FAM20C: variants seen among roughly 807,000 people sequenced by gnomAD.
The protein encoded by FAM20C is extracellular serine/threonine protein kinase FAM20C.
In FAM20C, 40 loss-of-function variants were observed where a neutral mutation model predicts 51.5. The ratio of observed to expected loss-of-function variants is 0.78; its 90% confidence interval spans 0.60 to 1.01. FAM20C has a LOEUF of 1.01. FAM20C is among the 50% of genes least tolerant of loss of function. FAM20C has a pLI of 0.00. For synonymous variants in FAM20C, 406 were observed against 380.6 expected, an observed-to-expected ratio of 1.07 and a Z score of -0.78; for missense variants, 861 against 844.7, an observed-to-expected ratio of 1.02 and a Z score of -0.24.
In FAM20C at chr7:258,687, C is replaced by T. The variant is rs1187634108; in HGVS notation, c.1487C>T (p.Pro496Leu). Reference sequence around the variant, plus strand: ...CACGACGAGCTCTCCATCCTGGTGCCGCTACAGCAGTGCTGCAGGTACAGC... The same window carrying T: ...CACGACGAGCTCTCCATCCTGGTGCTGCTACAGCAGTGCTGCAGGTACAGC... ...YSHDELSILV[P>L]LQQCCRIRKS... Residue 496 changes from proline to leucine, a missense_variant, in exon 9 of 10, where the codon CCG becomes CTG. By Grantham distance (98) the Pro-to-Leu change is moderately conservative (BLOSUM62 -3). Transcript: ENST00000313766. The T allele has an allele frequency of 3.9e-6, 6 of 1,536,520 alleles. No homozygotes were observed. Among genetic ancestry groups the T allele is most frequent in the Non-Finnish European group, 4.4e-6 (5 of 1,146,444 alleles).
At chr7:252,215 G>GTGGCCTGAATGACCCTCCCGTGGGGTC (rs1788427338) in intron 5 of FAM20C, among the ~76,000 whole-genome samples, 1 of 139,484 alleles carries the variant, frequency 7.2e-6, no homozygotes, top group African/African-American at 2.7e-5. Flanking sequence ...TCGGCCTCCC[G>GTGGCCTGAATGACCCTCCCGTGGGGTC]ACCAAGGATG....
At chr7:229,011 C>G (rs1787556526) in intron 3 of FAM20C, 1 of 361,108 alleles carries the variant, frequency 2.8e-6, no homozygotes, top group Non-Finnish European at 5.5e-6. Flanking sequence ...GGGCCACACC[C>G]TGCCCCACCC....
chr7:257,894 A>ACCCACTGCCCGGGG (rs1788668854), intron 8 of FAM20C, among the ~76,000 whole-genome samples: 2 of 30,404 alleles, frequency 6.6e-5, no homozygotes, highest in Admixed American at 2.9e-4. Flanking sequence ...ACTGCCCAGG[A>ACCCACTGCCCGGGG]TGCTGGAGAT....
intron 3 of FAM20C, among the ~76,000 whole-genome samples, chr7:222,645 G>A (rs1315692769): frequency 6.6e-6 from 1 of 152,124 alleles, no homozygotes; most frequent in African/African-American, 2.4e-5. Context: ...GAAGTGAGGG[G>A]CCCTGAGGTG....
At chr7:206,588 C>A (rs112319177) in intron 2 of FAM20C, among the ~76,000 whole-genome samples, 19 of 117,694 alleles carry the variant, frequency 1.6e-4, no homozygotes, top group African/African-American at 3.4e-4. Flanking sequence ...GCCCCGCACA[C>A]GTGCTCACTG....
Position 259,983 on chromosome 7 carries a change from T to C in FAM20C, c.*3T>C, listed in dbSNP as rs756835293. The stretch of plus-strand genomic sequence containing the variant: ...ACAGAGCCGCCTCGGCGAGGTAGTG[T>C]CCGCCGGCCGCTGCGCTGCCCGGGA... On this transcript the variant is annotated 3_prime_UTR_variant, in exon 10 of 10. Transcript: ENST00000313766. The C allele has an allele frequency of 2.1e-4, 310 of 1,506,904 alleles. No individual in the cohort carries two copies. In the Middle Eastern group the frequency reaches 5.1e-3, roughly 25 times the overall value. 93.3% of individuals were successfully genotyped at this position (1,506,904 alleles called of 1,614,324 possible). A position where few individuals can be genotyped will look rare whatever the true frequency, so the allele number is the denominator to read the frequency against.
At chr7:245,606 ACGCTTACG>A (rs1215518965) in intron 3 of FAM20C, among the ~76,000 whole-genome samples, 3 of 152,266 alleles carry the variant, frequency 2.0e-5, no homozygotes, top group Non-Finnish European at 2.9e-5. Context: ...ACACGCTTAC[ACGCTTACG>A]CGCTTACACA....
intron 5 of FAM20C, among the ~76,000 whole-genome samples, chr7:253,807 T>C (rs955597232): frequency 6.6e-6 from 1 of 152,232 alleles, no homozygotes; most frequent in African/African-American, 2.4e-5. Flanking sequence ...TGCCTTTCTC[T>C]TTTAACACGA....
chr7:247,235 G>T (rs1395560064), intron 4 of FAM20C, among the ~76,000 whole-genome samples: 2 of 152,190 alleles, frequency 1.3e-5, no homozygotes, highest in Non-Finnish European at 2.9e-5. Context: ...GGTCAGCTTG[G>T]CCCTGCTGCT....
chr7:247,455 G>A (rs1272303707), intron 4 of FAM20C, among the ~76,000 whole-genome samples: 1 of 152,206 alleles, frequency 6.6e-6, no homozygotes, highest in African/African-American at 2.4e-5. Context: ...CAGCATTGGG[G>A]TTGCCCTGGG....
rs567717374 is a variant in FAM20C, at chr7:223,347, C to T, written c.863+14371C>T. 5.9e-5 allele frequency among the ~76,000 whole-genome samples: 9 copies of T among 152,238 alleles called. No individual in the cohort carries two copies. The East Asian group carries it at 1.4e-3, about 23-fold the overall frequency. ...CTGAGTCTTAGCTCAGCATTGTGTC[C>T]GCAGCACTAGCCACATAGCAGGGGC... On this transcript the variant is annotated intron_variant, in intron 3 of 9. Coordinates refer to ENST00000313766, the MANE Select transcript of FAM20C (RefSeq NM_020223.4).
At chr7:243,882 C>G (rs915677171) in intron 3 of FAM20C, among the ~76,000 whole-genome samples, 3 of 151,344 alleles carry the variant, frequency 2.0e-5, no homozygotes, top group South Asian at 2.1e-4. Flanking sequence ...TGAATTCTGA[C>G]TGCCCAACTG....
chr7:211,706 C>T (rs1786723062), intron 3 of FAM20C, among the ~76,000 whole-genome samples: 1 of 152,160 alleles, frequency 6.6e-6, no homozygotes, highest in South Asian at 2.1e-4. Context: ...GAGGTGGGGG[C>T]CGGGTTACAG....
intron 3 of FAM20C, among the ~76,000 whole-genome samples, chr7:217,486 GCCAT>G (rs1384836438): frequency 1.5e-4 from 2 of 13,530 alleles, no homozygotes; most frequent in Non-Finnish European, 3.6e-4. Context: ...GAATTTCAGG[GCCAT>G]CCTGGGGGGC....
intron 3 of FAM20C, among the ~76,000 whole-genome samples, chr7:216,650 T>TGTGAGAGACA (rs1786984954): frequency 3.5e-5 from 5 of 143,650 alleles, no homozygotes; most frequent in Non-Finnish European, 7.5e-5. Context: ...TGAGTGTGTG[T>TGTGAGAGACA]GAGTGTGTGT....
At position 256,083 on chromosome 7, in the gene FAM20C, G is replaced by A; in HGVS notation, c.1253+54G>A. The A allele has an allele frequency of 3.3e-6, 5 of 1,517,804 alleles. No individual in the cohort carries two copies. In the South Asian group the frequency reaches 4.8e-5, roughly 15 times the overall value. 94.0% of individuals were successfully genotyped at this position (1,517,804 alleles called of 1,614,324 possible). ...CGGCCACCCTACGGCAGAGGGAGCTGGGCCTGGGCGGGCATGGGAGGGTCG... is the reference window on the plus strand; with the variant it reads ...CGGCCACCCTACGGCAGAGGGAGCTAGGCCTGGGCGGGCATGGGAGGGTCG... On this transcript the variant is annotated intron_variant, in intron 6 of 9. Coordinates refer to ENST00000313766, the MANE Select transcript of FAM20C (RefSeq NM_020223.4).
At chr7:234,553 A>C (rs897314155) in intron 3 of FAM20C, among the ~76,000 whole-genome samples, 4 of 152,068 alleles carry the variant, frequency 2.6e-5, no homozygotes, top group Non-Finnish European at 5.9e-5. Flanking sequence ...CTGACACAGG[A>C]GGCTTTGCCG....
intron 8 of FAM20C, among the ~76,000 whole-genome samples, chr7:257,637 C>G (rs1337807090): frequency 6.6e-6 from 1 of 152,212 alleles, no homozygotes; most frequent in African/African-American, 2.4e-5. Context: ...AAACTGTGGG[C>G]TGACGCTCCC....
rs190382829 is a variant in FAM20C at position 193,451 on chromosome 7, C to A, written c.252C>A (p.Asn84Lys). The A allele has an allele frequency of 3.3e-4, 477 of 1,462,000 alleles. 3 individuals are homozygous for A. In the African/African-American group the frequency reaches 6.4e-3, roughly 20 times the overall value. 90.6% of individuals were successfully genotyped at this position (1,462,000 alleles called of 1,614,324 possible). A position where few individuals can be genotyped will look rare whatever the true frequency, so the allele number is the denominator to read the frequency against. The change falls in exon 1 of 10, where the codon AAC (asparagine) becomes AAA (lysine). Residue 84 changes from asparagine (N) to lysine (K), a missense_variant. Around this residue, in one of 3 missense-constraint regions of FAM20C, gnomAD observed 561 missense variants for 499.8 expected, o/e 1.12. Coordinates refer to ENST00000313766, the MANE Select transcript of FAM20C (RefSeq NM_020223.4). ...CCGCCGGCGACGCGGGCTGGCCCAACAAGCACACGCTCCGCATCCTGCAGG... is the reference window on the plus strand; with the variant it reads ...CCGCCGGCGACGCGGGCTGGCCCAAAAAGCACACGCTCCGCATCCTGCAGG... ...SSAAGDAGWP[N>K]KHTLRILQDF...
Sources: gnomAD v4.1 joint callset for allele counts (sites outside exome capture counted in the v4.1 genomes callset) on GRCh38, gnomAD v4.1.1 for gene constraint, gnomAD v4.1.1 regional missense constraint, MANE v1.5 for transcripts, NCBI Gene and HGNC (gene_info 2026-07-23, HGNC 2026-07-21) for gene names.